Variants in RP1 observed in about 807,000 individuals in gnomAD.
The protein encoded by RP1 is RP1 axonemal microtubule associated.
Under a neutral mutation model 14.8 loss-of-function variants are expected in RP1, and 16 were observed. The ratio of observed to expected loss-of-function variants is 1.08; its 90% CI spans 0.73 to 1.65. The LOEUF is 1.65. Among genes scored for constraint, RP1 ranks in the 40% most tolerant of loss-of-function variants. The probability of loss-of-function intolerance (pLI) is 0.00; values close to 1 mark genes in which losing one functional copy is unlikely to be tolerated. For synonymous variants in RP1, 876 were observed against 883.6 expected, an observed-to-expected ratio of 0.99 and a Z score of 0.15; for missense variants, 2,631 against 2,535.0, an observed-to-expected ratio of 1.04 and a Z score of -0.81.
chr8:54,600,252 T>C (rs141248459), intron 1 of RP1, among the ~76,000 whole-genome samples: 4 of 152,308 alleles, frequency 2.6e-5, no homozygotes, highest in African/African-American at 9.6e-5. Flanking sequence ...CCTGCCATAA[T>C]GTAAGAAGTC....
intron 17 of RP1, among the ~76,000 whole-genome samples, chr8:54,726,948 G>A (rs1201447734): frequency 6.6e-6 from 1 of 151,886 alleles, no homozygotes; most frequent in Non-Finnish European, 1.5e-5. Context: ...GCTCTTAAAT[G>A]TATTAACTTT....
At chr8:54,747,070 G>C (rs574101092) in intron 19 of RP1, among the ~76,000 whole-genome samples, 6 of 152,160 alleles carry the variant, frequency 3.9e-5, no homozygotes, top group African/African-American at 1.4e-4. Context: ...CCTCAATTTT[G>C]TCTATTTTTC....
chr8:54,626,773 T>A lies in RP1; in HGVS notation c.2891T>A (p.Ile964Lys), dbSNP rs747483467. 6.2e-7 allele frequency: 1 copy of A among 1,613,808 alleles called. No individual in the cohort carries two copies. Among genetic ancestry groups the A allele is most frequent in the Non-Finnish European group, 8.5e-7 (1 of 1,179,906 alleles). The change falls in exon 4 of 4, where the codon ATA becomes AAA. Residue 964 changes from isoleucine to lysine, a missense_variant. Coordinates refer to ENST00000220676, the MANE Select transcript of RP1 (RefSeq NM_006269.2). ...GNDPHTNSGK[I>K]SNFVMESNKH... ...GATCCCCATACAAATTCTGGAAAAA[T>A]AAGTAATTTTGTTATGGAAAGTAAT...
rs1805899604 is a variant in RP1 at position 54,622,151 on chromosome 8, G to C, written c.650G>C (p.Gly217Ala). 6.2e-7 allele frequency: 1 copy of C among 1,614,054 alleles called. No individual in the cohort carries two copies. Among genetic ancestry groups the C allele is most frequent in the Non-Finnish European group, 8.5e-7 (1 of 1,180,048 alleles). ...PSLQAVILSS[G>A]AVVAAGREPF... ...CTCCAGGCAGTGATCCTGAGCTCTGGAGCTGTGGTGGCGGCAGGAAGGGAG... is the reference window on the plus strand; with the variant it reads ...CTCCAGGCAGTGATCCTGAGCTCTGCAGCTGTGGTGGCGGCAGGAAGGGAG... Residue 217 changes from glycine (G) to alanine (A), a missense_variant, in exon 3 of 4, where the codon GGA becomes GCA. Transcript: ENST00000220676.
intron 6 of RP1, among the ~76,000 whole-genome samples, chr8:54,658,564 A>AG (rs2129328073): frequency 6.7e-6 from 1 of 149,436 alleles, no homozygotes; most frequent in East Asian, 1.9e-4. Flanking sequence ...AAAAAAAAAA[A>AG]AAAAAAAGAC....
chr8:54,608,961 G>T (rs1013626728), intron 1 of RP1, among the ~76,000 whole-genome samples: 1 of 152,140 alleles, frequency 6.6e-6, no homozygotes, highest in African/African-American at 2.4e-5. Flanking sequence ...GGTTCCGGAG[G>T]ACTTTATGTT....
intron 24 of RP1, among the ~76,000 whole-genome samples, chr8:54,823,037 A>G (rs1453704404): frequency 6.6e-6 from 1 of 152,188 alleles, no homozygotes; most frequent in Non-Finnish European, 1.5e-5. Flanking sequence ...ATAGTTCAGT[A>G]TCTAAGCCTT....
chr8:54,603,236 T>A (rs36180855), intron 1 of RP1, among the ~76,000 whole-genome samples: 51,745 of 150,842 alleles, frequency 0.34, 9,435 homozygotes, highest in Middle Eastern at 0.49. Flanking sequence ...GAAGGGATCC[T>A]GTTTCAGCTT....
Position 54,626,648 on chromosome 8 carries a change from C to T in RP1, c.2766C>T (p.Asn922=), listed in dbSNP as rs1364195989. Residue 922 remains asparagine, a synonymous_variant, in exon 4 of 4, where the codon AAC becomes AAT. Coordinates refer to ENST00000220676, the MANE Select transcript of RP1 (RefSeq NM_006269.2). The stretch of plus-strand genomic sequence containing the variant: ...ATTATATACAGAGTTGGTTGCAGAA[C>T]ATAAATCCATATCCAACTTTAAAGC... ...IQNYIQSWLQ[N]INPYPTLKPI... 1.2e-6 allele frequency: 2 copies of T among 1,613,820 alleles called. No individual in the cohort carries two copies. Among genetic ancestry groups the T allele is most frequent in the East Asian group, 4.5e-5 (2 of 44,824 alleles).
chr8:54,767,049 A>G (rs972012830), intron 22 of RP1, among the ~76,000 whole-genome samples: 1 of 152,206 alleles, frequency 6.6e-6, no homozygotes, highest in African/African-American at 2.4e-5. Flanking sequence ...TTTATGGCAC[A>G]TCTGAGAAAA....
chr8:54,574,704 ATGT>A (rs1009465935), intron 1 of RP1, among the ~76,000 whole-genome samples: 1 of 75,808 alleles, frequency 1.3e-5, no homozygotes, highest in African/African-American at 4.0e-5. Flanking sequence ...TCACTTATCT[ATGT>A]TGTTGGATTA....
intron 7 of RP1, among the ~76,000 whole-genome samples, chr8:54,664,160 C>T (rs953653722): frequency 6.6e-6 from 1 of 152,132 alleles, no homozygotes; most frequent in Non-Finnish European, 1.5e-5. Flanking sequence ...TTGTGACTGG[C>T]TTATTTCACT....
intron 1 of RP1, among the ~76,000 whole-genome samples, chr8:54,584,630 G>T (rs1047680552): frequency 1.3e-5 from 2 of 152,130 alleles, no homozygotes; most frequent in Admixed American, 1.3e-4. Context: ...TATTGTGTGG[G>T]TGTCTAAGTC....
exon 19 of RP1, chr8:54,738,966 C>T: frequency 6.6e-7 from 1 of 1,511,230 alleles, no homozygotes; most frequent in Non-Finnish European, 8.8e-7. Flanking sequence ...ACACTGGAAA[C>T]ATATATAAGA....
intron 19 of RP1, among the ~76,000 whole-genome samples, chr8:54,742,698 T>C (rs1298524024): frequency 3.3e-5 from 5 of 152,100 alleles, no homozygotes; most frequent in Non-Finnish European, 7.4e-5. Context: ...ACCTGCAAAG[T>C]GTAGTAAAAT....
rs745452078 is a variant in RP1, at chr8:54,622,164, G to C, written c.663G>C (p.Ala221=). 2.5e-6 allele frequency: 4 copies of C among 1,614,104 alleles called. No individual in the cohort carries two copies. The highest frequency in any genetic ancestry group is 2.2e-5 in the South Asian group (2 of 91,076). ...AVILSSGAVV[A]AGREPFKPGN... is the part of the protein sequence containing the mutation. ...TCCTGAGCTCTGGAGCTGTGGTGGC[G>C]GCAGGAAGGGAGCCATTTAAACCAG... The change falls in exon 3 of 4, where the codon GCG becomes GCC. Residue 221 remains alanine (A), a synonymous_variant. Transcript: ENST00000220676.
At chr8:54,807,872 G>A (rs1234279844) in intron 24 of RP1, among the ~76,000 whole-genome samples, 2 of 151,946 alleles carry the variant, frequency 1.3e-5, no homozygotes, top group Non-Finnish European at 2.9e-5. Context: ...GCTTGGGGAG[G>A]TCAGTCTGTT....
At chr8:54,583,632 T>G (rs1349961570) in intron 1 of RP1, among the ~76,000 whole-genome samples, 5 of 152,140 alleles carry the variant, frequency 3.3e-5, no homozygotes, top group African/African-American at 7.2e-5. Flanking sequence ...TCTGGTCCTG[T>G]ACTTTTTTTC....
At chr8:54,575,537 A>T (rs1804622099) in intron 1 of RP1, among the ~76,000 whole-genome samples, 1 of 152,244 alleles carries the variant, frequency 6.6e-6, no homozygotes. Flanking sequence ...TGTTATAAAC[A>T]ATCCAGTTTA....
Sources: gnomAD v4.1 joint callset for allele counts (sites outside exome capture counted in the v4.1 genomes callset) on GRCh38, gnomAD v4.1.1 for gene constraint, MANE v1.5 for transcripts, NCBI Gene and HGNC (gene_info 2026-07-23, HGNC 2026-07-21) for gene names.